The following TENM2 variants were observed in gnomAD, a reference collection of about 807,000 sequenced individuals.
TENM2 encodes teneurin-2.
TENM2 carries 52 observed loss-of-function variants against 245.2 expected under a neutral mutation model. The observed-to-expected ratio is 0.21, with a 90% CI of 0.17 to 0.27. The LOEUF (loss-of-function observed/expected upper bound fraction) is 0.27. Among genes scored for constraint, TENM2 ranks in the 10% least tolerant of loss-of-function variants. The pLI, the probability that TENM2 is intolerant of heterozygous loss-of-function variation, is 1.00. For synonymous variants in TENM2, 1,363 were observed against 1,438.9 expected (o/e 0.95, Z 1.19); for missense variants, 3,046 against 3,666.8 (o/e 0.83, Z 4.37).
chr5:167,410,608 T>G (rs1021543101), intron 2 of TENM2, among the ~76,000 whole-genome samples: 1 of 151,972 alleles, frequency 6.6e-6, no homozygotes, highest in Non-Finnish European at 1.5e-5. Flanking sequence ...ATTCTCCCCA[T>G]AAAGTTCTGT....
chr5:168,160,714 A>G (rs1040811121), intron 12 of TENM2, among the ~76,000 whole-genome samples: 1 of 152,212 alleles, frequency 6.6e-6, no homozygotes, highest in Non-Finnish European at 1.5e-5. Context: ...CTTCTTAGGA[A>G]GATGCCTTTA....
rs1175567263 is a variant in TENM2 at position 168,227,547 on chromosome 5, A to AAAAT, written c.5285-346_5285-343dup. On this transcript the variant is annotated intron_variant, in intron 24 of 28. Transcript: ENST00000518659. ...TTTTTTTTTTTTCCTGGTATAAGCT[A>AAAAT]AAATATATATGTTAAGCTTCGGGAA... is the stretch of plus-strand genomic sequence containing the variant. Among the ~76,000 whole-genome samples the AAAAT allele has an allele frequency of 7.3e-5, 11 of 150,194 alleles. No individual in the cohort carries two copies. The East Asian group carries it at 1.6e-3, about 21-fold the overall frequency.
At chr5:167,360,095 A>C (rs1298364730) in intron 1 of TENM2, among the ~76,000 whole-genome samples, 1 of 152,168 alleles carries the variant, frequency 6.6e-6, no homozygotes, top group Admixed American at 6.5e-5. Context: ...GGTGATGAAG[A>C]AATCTGTACA....
chr5:166,991,434 G>A, the TENM2 span, among the ~76,000 whole-genome samples: 2,369 of 152,008 alleles, frequency 0.016, 65 homozygotes, highest in African/African-American at 0.055. Context: ...TAAAATTGCA[G>A]TTATCCTTGT....
intron 2 of TENM2, among the ~76,000 whole-genome samples, chr5:167,569,059 G>T (rs2127656251): frequency 8.0e-6 from 1 of 124,812 alleles, no homozygotes; most frequent in South Asian, 2.9e-4. Flanking sequence ...CGAAATCAAT[G>T]AGTATCACCT....
chr5:168,141,267 C>G (rs1019590157), intron 12 of TENM2, among the ~76,000 whole-genome samples: 1 of 152,142 alleles, frequency 6.6e-6, no homozygotes, highest in Non-Finnish European at 1.5e-5. Context: ...TGTCTCAGAT[C>G]AGGCTACTGA....
At chr5:167,977,534 G>T (rs1359520631) in intron 4 of TENM2, among the ~76,000 whole-genome samples, 1 of 152,166 alleles carries the variant, frequency 6.6e-6, no homozygotes, top group Non-Finnish European at 1.5e-5. Flanking sequence ...GCTCTTTCCT[G>T]AAATGAGAGC....
chr5:167,939,985 C>T (rs1337428733), intron 3 of TENM2, among the ~76,000 whole-genome samples: 2 of 152,088 alleles, frequency 1.3e-5, no homozygotes, highest in Non-Finnish European at 2.9e-5. Flanking sequence ...GTGTGGGAGG[C>T]CTCTGCTCCC....
intron 15 of TENM2, 69 bp downstream of exon 17, chr5:168,195,364 T>C: frequency 6.5e-7 from 1 of 1,535,326 alleles, no homozygotes; most frequent in Admixed American, 2.0e-5. Context: ...GACGGTGCTG[T>C]TGGCTTGGAA....
intron 2 of TENM2, among the ~76,000 whole-genome samples, chr5:167,638,090 G>GGTGTGT (rs70976439): frequency 7.3e-5 from 10 of 137,688 alleles, no homozygotes; most frequent in South Asian, 2.5e-4. Flanking sequence ...GAACAGGGCA[G>GGTGTGT]GTGTGTGTGT....
the TENM2 span, among the ~76,000 whole-genome samples, chr5:167,189,188 G>A: frequency 6.6e-6 from 1 of 152,094 alleles, no homozygotes; most frequent in Non-Finnish European, 1.5e-5. Flanking sequence ...ATAAACTGAT[G>A]ACTACTAGCC....
chr5:168,219,276 C>T (rs1180610373), intron 23 of TENM2, among the ~76,000 whole-genome samples: 2 of 152,126 alleles, frequency 1.3e-5, no homozygotes, highest in Non-Finnish European at 2.9e-5. Flanking sequence ...TGCACAGCAC[C>T]TGGGAGGTAA....
chr5:167,540,460 A>G (rs1772128752), intron 2 of TENM2, among the ~76,000 whole-genome samples: 1 of 152,250 alleles, frequency 6.6e-6, no homozygotes, highest in Non-Finnish European at 1.5e-5. Flanking sequence ...CGTGAAAATT[A>G]AATTCAAATT....
chr5:167,667,053 G>T (rs1025292840), intron 2 of TENM2, among the ~76,000 whole-genome samples: 9 of 152,100 alleles, frequency 5.9e-5, no homozygotes, highest in Non-Finnish European at 1.0e-4. Flanking sequence ...CAAATATGAT[G>T]AACTTTTAAA....
At position 167,585,060 on chromosome 5, in the gene TENM2, G is replaced by A. The variant is rs374954759; in HGVS notation, c.502+209587G>A. 2.2e-4 allele frequency among the ~76,000 whole-genome samples: 34 copies of A among 152,254 alleles called. No individual in the cohort carries two copies. In the South Asian group the frequency reaches 5.8e-3, roughly 26 times the overall value. On this transcript the variant is annotated intron_variant, in intron 2 of 28. Transcript: ENST00000518659. ...ACTCACAATGTATGGATTAAAAGAA[G>A]ATATCCACCTCCAAAAGACCACAAA...
intron 25 of TENM2, among the ~76,000 whole-genome samples, chr5:168,243,468 AG>A (rs2152683882): frequency 6.6e-6 from 1 of 152,338 alleles, no homozygotes; most frequent in Admixed American, 6.5e-5. Context: ...TCTAGATATT[AG>A]AAGGAAAGAA....
chr5:167,573,022 T>C (rs1774380278), intron 2 of TENM2, among the ~76,000 whole-genome samples: 1 of 152,150 alleles, frequency 6.6e-6, no homozygotes, highest in African/African-American at 2.4e-5. Context: ...CCGTTTAAAC[T>C]TGAACTAGGA....
At chr5:167,426,546 CAAAAA>C (rs59491444) in intron 2 of TENM2, among the ~76,000 whole-genome samples, 1,069 of 102,250 alleles carry the variant, frequency 0.01, 5 homozygotes, top group Middle Eastern at 0.019. Context: ...CTTGCCTTTA[CAAAAA>C]AAAAAAAAAA....
chr5:168,034,916 A>G (rs1182740307), intron 5 of TENM2, among the ~76,000 whole-genome samples: 3 of 152,266 alleles, frequency 2.0e-5, no homozygotes, highest in Admixed American at 6.5e-5. Context: ...GAAGAACTGA[A>G]TTAATTTACA....
Sources: allele counts gnomAD v4.1 joint callset (sites outside exome capture counted in the v4.1 genomes callset), GRCh38; gene constraint gnomAD v4.1.1; transcripts MANE v1.5; gene names NCBI Gene and HGNC (gene_info 2026-07-23, HGNC 2026-07-21).